CLYBL: variants seen among roughly 807,000 people sequenced by gnomAD.
The protein encoded by CLYBL is citramalyl-CoA lyase, also known as citramalyl-CoA lyase, mitochondrial.
Under a neutral mutation model 38.9 loss-of-function variants are expected in CLYBL, and 31 were observed. The observed-to-expected ratio is 0.80, with a 90% CI of 0.60 to 1.08. CLYBL has a LOEUF of 1.08. Ranked by LOEUF, CLYBL falls within the 50% of genes least tolerant of loss-of-function variation. The probability of loss-of-function intolerance (pLI) is 0.00; values close to 1 mark genes in which losing one functional copy is unlikely to be tolerated. For missense variants in CLYBL, 434 were observed against 411.6 expected (o/e 1.05, Z -0.47); for synonymous variants, 171 against 158.6 (o/e 1.08, Z -0.59).
At chr13:99,838,539 A>G (rs2050992250) in intron 2 of CLYBL, among the ~76,000 whole-genome samples, 1 of 152,214 alleles carries the variant, frequency 6.6e-6, no homozygotes, top group Non-Finnish European at 1.5e-5. Context: ...AAAATTCTCA[A>G]TCCATGTATT....
chr13:99,654,551 C>G (rs1472579052), intron 1 of CLYBL, among the ~76,000 whole-genome samples: 1 of 152,232 alleles, frequency 6.6e-6, no homozygotes, highest in Non-Finnish European at 1.5e-5. Context: ...CTATCAAGGT[C>G]TCCAAAGCAA....
intron 2 of CLYBL, among the ~76,000 whole-genome samples, chr13:99,781,974 G>A (rs182037935): frequency 2.2e-4 from 33 of 152,274 alleles, no homozygotes; most frequent in Admixed American, 1.6e-3. Context: ...CACTGTATGC[G>A]TTATTTTTGC....
At chr13:99,819,000 G>A (rs1318087911) in intron 2 of CLYBL, among the ~76,000 whole-genome samples, 2 of 151,936 alleles carry the variant, frequency 1.3e-5, no homozygotes, top group South Asian at 2.1e-4. Context: ...TCTCTACAAG[G>A]GGACTTTTAT....
intron 2 of CLYBL, among the ~76,000 whole-genome samples, chr13:99,819,138 G>A (rs1266956978): frequency 6.6e-6 from 1 of 151,876 alleles, no homozygotes; most frequent in Non-Finnish European, 1.5e-5. Flanking sequence ...TTGAGGCCAG[G>A]AGTTTGAAAC....
At chr13:99,789,895 A>T (rs191026084) in intron 2 of CLYBL, among the ~76,000 whole-genome samples, 1 of 152,300 alleles carries the variant, frequency 6.6e-6, no homozygotes, top group East Asian at 1.9e-4. Context: ...TATTGGGTGC[A>T]TATATATTTA....
At chr13:99,766,323 C>A (rs983637597) in intron 1 of CLYBL, among the ~76,000 whole-genome samples, 4 of 152,114 alleles carry the variant, frequency 2.6e-5, no homozygotes, top group Non-Finnish European at 5.9e-5. Flanking sequence ...AGGAATTCTT[C>A]AGCTCTGCAA....
intron 1 of CLYBL, among the ~76,000 whole-genome samples, chr13:99,689,375 G>A (rs1217571054): frequency 1.3e-5 from 2 of 152,184 alleles, no homozygotes; most frequent in Admixed American, 6.5e-5. Context: ...TGCAATCACA[G>A]ACAGGTTGTC....
intron 1 of CLYBL, among the ~76,000 whole-genome samples, chr13:99,608,022 G>T (rs1289272544): frequency 6.6e-6 from 1 of 151,094 alleles, no homozygotes; most frequent in Non-Finnish European, 1.5e-5. Flanking sequence ...TGGGATTACA[G>T]GCGTGAGCCA....
intron 1 of CLYBL, among the ~76,000 whole-genome samples, chr13:99,770,755 C>T (rs7318060): frequency 0.21 from 31,191 of 151,742 alleles, 3,923 homozygotes; most frequent in East Asian, 0.38. Flanking sequence ...CAGAGTCTTG[C>T]TCTATTGCCA....
chr13:99,841,875 G>T (rs2051092281), intron 2 of CLYBL, among the ~76,000 whole-genome samples: 1 of 139,952 alleles, frequency 7.1e-6, no homozygotes, highest in South Asian at 2.2e-4. Flanking sequence ...GAGTGCATTG[G>T]CTTGATCTCA....
chr13:99,789,993 T>C (rs1418320327), intron 2 of CLYBL, among the ~76,000 whole-genome samples: 1 of 152,206 alleles, frequency 6.6e-6, no homozygotes, highest in Non-Finnish European at 1.5e-5. Flanking sequence ...GTTTAAAGTC[T>C]GTTTTATCAA....
chr13:99,797,721 C>T (rs1291050929), intron 2 of CLYBL, among the ~76,000 whole-genome samples: 1 of 152,106 alleles, frequency 6.6e-6, no homozygotes, highest in African/African-American at 2.4e-5. Flanking sequence ...GTGTAGCACG[C>T]CTGTGCAACT....
intron 1 of CLYBL, among the ~76,000 whole-genome samples, chr13:99,766,603 A>T (rs559729616): frequency 6.6e-6 from 1 of 152,024 alleles, no homozygotes; most frequent in South Asian, 2.1e-4. Flanking sequence ...ATGTCTTTGC[A>T]TTGAAGGATT....
chr13:99,612,412 A>G (rs1353064959), intron 1 of CLYBL, among the ~76,000 whole-genome samples: 14 of 126,586 alleles, frequency 1.1e-4, no homozygotes, highest in Non-Finnish European at 2.0e-4. Flanking sequence ...TTTTGAGACA[A>G]GGTCTTGCTC....
intron 1 of CLYBL, among the ~76,000 whole-genome samples, chr13:99,768,195 T>TTTC (rs2049307437): frequency 7.2e-6 from 1 of 138,000 alleles, no homozygotes; most frequent in African/African-American, 2.7e-5. Flanking sequence ...TCTTTTTCTT[T>TTTC]TTTTTTTTTT....
chr13:99,622,481 C>G (rs1304247633), intron 1 of CLYBL, among the ~76,000 whole-genome samples: 1 of 152,136 alleles, frequency 6.6e-6, no homozygotes, highest in African/African-American at 2.4e-5. Flanking sequence ...TGGATCTGTC[C>G]TTTTCTTTTT....
At chr13:99,854,992 G>A (rs548618251) in intron 2 of CLYBL, among the ~76,000 whole-genome samples, 25 of 152,318 alleles carry the variant, frequency 1.6e-4, no homozygotes, top group African/African-American at 5.5e-4. Context: ...TAGAATGGGG[G>A]CCTGCAAAGA....
At position 99,866,375 on chromosome 13, in the gene CLYBL, A is replaced by T. The variant is rs754696596; in HGVS notation, c.770A>T (p.Gln257Leu). 6.2e-6 allele frequency: 10 copies of T among 1,613,764 alleles called. No individual in the cohort carries two copies. In the Admixed American group the frequency reaches 1.0e-4, roughly 16 times the overall value. ...CGAGATGGAGCTGGGCTGCTTAGAC[A>T]GTCACGAGAAGGAGCCGCCATGGGC... ...DFRDGAGLLRQSREGAAMGFT... is the reference protein window; with the variant it reads ...DFRDGAGLLRLSREGAAMGFT... The change falls in exon 6 of 9, where the codon CAG becomes CTG. Residue 257 changes from glutamine to leucine, a missense_variant. Gln to Leu is a moderately radical substitution (Grantham distance 113, BLOSUM62 -2). Transcript: ENST00000339105.
intron 1 of CLYBL, chr13:99,690,514 C>T (rs775475947): frequency 5.9e-5 from 9 of 152,054 alleles, no homozygotes; most frequent in African/African-American, 9.7e-5. Context: ...TAATACCGCA[C>T]AGCTTGGAGG....
Sources: gnomAD v4.1 joint callset for allele counts (sites outside exome capture counted in the v4.1 genomes callset) on GRCh38, gnomAD v4.1.1 for gene constraint, MANE v1.5 for transcripts, NCBI Gene and HGNC (gene_info 2026-07-23, HGNC 2026-07-21) for gene names.